Variants in ANKRD11 observed in about 807,000 individuals in gnomAD.
ANKRD11 encodes the protein ankyrin repeat domain-containing protein 11.
Under a neutral mutation model 195.7 loss-of-function variants are expected in ANKRD11, and 17 were observed. The ratio of observed to expected loss-of-function variants is 0.09; its 90% CI spans 0.06 to 0.13. The LOEUF is 0.13. ANKRD11 is among the 10% of genes least tolerant of loss of function. ANKRD11 has a pLI of 1.00. For missense variants in ANKRD11, 3,735 were observed against 3,566.1 expected, an observed-to-expected ratio of 1.05 and a Z score of -1.21; for synonymous variants, 1,953 against 1,528.1, an observed-to-expected ratio of 1.28 and a Z score of -6.49.
chr16:89,381,331 CAAAAAAAA>C (rs10567322), intron 2 of ANKRD11, among the ~76,000 whole-genome samples: 3 of 76,352 alleles, frequency 3.9e-5, no homozygotes, highest in African/African-American at 5.7e-5. Flanking sequence ...GACTCTGCTG[CAAAAAAAA>C]AAAAAAAAAA....
In ANKRD11 at chr16:89,457,762, G is replaced by C. The variant is rs543493448; in HGVS notation, c.-145+32483C>G. On this transcript the variant is annotated intron_variant, in intron 1 of 12. Transcript: ENST00000301030. The stretch of plus-strand genomic sequence containing the variant: ...TGTCAAGCTGGTGCTTAATACCTGG[G>C]GTATCAAAACTGTCAAACTCATCCT... Among the ~76,000 whole-genome samples the C allele has an allele frequency of 2.0e-5, 3 of 152,018 alleles. No homozygotes were observed. In the East Asian group the frequency reaches 5.8e-4, roughly 29 times the overall value.
intron 2 of ANKRD11, among the ~76,000 whole-genome samples, chr16:89,411,280 A>G (rs1435116363): frequency 6.6e-6 from 1 of 152,060 alleles, no homozygotes; most frequent in Admixed American, 6.5e-5. Context: ...TCAAACTTGC[A>G]GCCCTGTGCC....
intron 4 of ANKRD11, among the ~76,000 whole-genome samples, chr16:89,301,906 G>A (rs1271732593): frequency 1.3e-5 from 2 of 152,192 alleles, no homozygotes; most frequent in African/African-American, 4.8e-5. Context: ...GCAACATGGA[G>A]GTCTCTGAGG....
intron 1 of ANKRD11, among the ~76,000 whole-genome samples, chr16:89,444,376 T>C (rs1399730611): frequency 6.6e-6 from 1 of 152,120 alleles, no homozygotes; most frequent in Non-Finnish European, 1.5e-5. Flanking sequence ...CATGACAGAC[T>C]TGCTGGGAAG....
chr16:89,313,572 C>G (rs141910490), intron 3 of ANKRD11: 1 of 1,289,098 alleles, frequency 7.8e-7, no homozygotes, highest in Non-Finnish European at 1.0e-6. Context: ...ACTGAGATCA[C>G]GATTCTTTTG....
chr16:89,347,762 C>A (rs554857013), intron 2 of ANKRD11, among the ~76,000 whole-genome samples: 1 of 152,170 alleles, frequency 6.6e-6, no homozygotes, highest in South Asian at 2.1e-4. Flanking sequence ...AAAGAGATGA[C>A]CACAAACATC....
At chr16:89,380,771 C>A (rs1023011592) in intron 2 of ANKRD11, among the ~76,000 whole-genome samples, 1 of 152,250 alleles carries the variant, frequency 6.6e-6, no homozygotes, top group Admixed American at 6.5e-5. Context: ...GGGGCATCTC[C>A]TGCACGGGCA....
At chr16:89,414,076 C>G (rs1366445972) in intron 2 of ANKRD11, among the ~76,000 whole-genome samples, 1 of 152,200 alleles carries the variant, frequency 6.6e-6, no homozygotes, top group East Asian at 1.9e-4. Flanking sequence ...ATGCCACAGG[C>G]ACAGCTGCTC....
Position 89,270,623 on chromosome 16 carries a change from A to C in ANKRD11, c.7806+194T>G. On this transcript the variant is annotated intron_variant, in intron 12 of 12. Transcript: ENST00000301030. The stretch of plus-strand genomic sequence containing the variant: ...ACCGGGACAGAAGGGAAGACTGAGG[A>C]GGCCACACGCAGGGACAGGACCTCA... The C allele has an allele frequency of 4.7e-6, 3 of 636,750 alleles. No homozygotes were observed. In the South Asian group the frequency reaches 5.3e-5, roughly 11 times the overall value. The allele number at this position is 636,750 out of a possible 1,614,324, so 39.4% of individuals were successfully genotyped here.
At chr16:89,368,064 T>C (rs954309389) in intron 2 of ANKRD11, among the ~76,000 whole-genome samples, 5 of 152,216 alleles carry the variant, frequency 3.3e-5, no homozygotes, top group East Asian at 1.9e-4. Flanking sequence ...TCCGTTTATC[T>C]GAAAACCCTG....
At chr16:89,325,599 G>A (rs2037665760) in intron 2 of ANKRD11, among the ~76,000 whole-genome samples, 1 of 152,202 alleles carries the variant, frequency 6.6e-6, no homozygotes, top group Non-Finnish European at 1.5e-5. Context: ...AGACATCCGC[G>A]AAGCGTGGAA....
At chr16:89,472,569 G>A (rs1215578875) in intron 1 of ANKRD11, among the ~76,000 whole-genome samples, 1 of 152,162 alleles carries the variant, frequency 6.6e-6, no homozygotes, top group Non-Finnish European at 1.5e-5. Flanking sequence ...CCCCAGGCTG[G>A]AGGGCAGTGG....
chr16:89,283,874 G>A lies in ANKRD11; in HGVS notation c.2668C>T (p.Arg890Trp), dbSNP rs1357840458. Residue 890 changes from arginine to tryptophan, a missense_variant, in exon 9 of 13, where the codon CGG becomes TGG. By Grantham distance (101) the Arg-to-Trp change is moderately radical. Coordinates refer to ENST00000301030, the MANE Select transcript of ANKRD11 (RefSeq NM_013275.6). The surrounding 1 kb of genome is among the most constrained non-coding windows in gnomAD (Gnocchi z 4.3). The part of the protein sequence containing the change: ...TVKEDSKERR[R>W]DSRAREKRDY... ...CGCTTCTCCCGGGCCCGGCTGTCCC[G>A]CCTCCTCTCCTTGCTGTCCTCCTTC... 3.7e-6 allele frequency: 6 copies of A among 1,613,898 alleles called. No individual in the cohort carries two copies. Among genetic ancestry groups the A allele is most frequent in the East Asian group, 2.2e-5 (1 of 44,892 alleles).
chr16:89,287,385 G>T (rs142339714), intron 7 of ANKRD11: 661 of 241,518 alleles, frequency 2.7e-3, no homozygotes, highest in Non-Finnish European at 3.9e-3. Flanking sequence ...GTCACAACAC[G>T]GGCATCTTGG....
intron 4 of ANKRD11, among the ~76,000 whole-genome samples, chr16:89,302,539 C>T (rs1330462031): frequency 6.6e-6 from 1 of 152,196 alleles, no homozygotes; most frequent in Admixed American, 6.5e-5. Flanking sequence ...CCGTGAGCCA[C>T]CGCGCCTGGC....
chr16:89,331,420 G>C (rs760301540), intron 2 of ANKRD11, among the ~76,000 whole-genome samples: 1 of 152,286 alleles, frequency 6.6e-6, no homozygotes, highest in South Asian at 2.1e-4. Context: ...AAAAATCCCA[G>C]AGAAAAGAAC....
intron 1 of ANKRD11, among the ~76,000 whole-genome samples, chr16:89,459,870 T>C (rs1249427317): frequency 6.6e-6 from 1 of 151,512 alleles, no homozygotes; most frequent in African/African-American, 2.4e-5. Flanking sequence ...GAAGTCGAGA[T>C]TGCAGTGAGC....
intron 2 of ANKRD11, among the ~76,000 whole-genome samples, chr16:89,356,689 GAGAATGGTATGAA>G (rs2039491105): frequency 6.7e-6 from 1 of 149,096 alleles, no homozygotes; most frequent in Non-Finnish European, 1.5e-5. Flanking sequence ...GCTGAGGCAG[GAGAATGGTATGAA>G]CCCGGGAGGC....
chr16:89,489,730 G>C (rs1296613784), intron 1 of ANKRD11, among the ~76,000 whole-genome samples: 1 of 148,888 alleles, frequency 6.7e-6, no homozygotes, highest in African/African-American at 2.5e-5. Context: ...AGACCTGCAG[G>C]CCCGCCCCGA....
Sources: allele counts gnomAD v4.1 joint callset (sites outside exome capture counted in the v4.1 genomes callset), GRCh38; gene constraint gnomAD v4.1.1; non-coding constraint Gnocchi (gnomAD v3.1); transcripts MANE v1.5; gene names NCBI Gene and HGNC (gene_info 2026-07-23, HGNC 2026-07-21).